ASCC2: variants seen among roughly 807,000 people sequenced by gnomAD.
ASCC2 encodes activating signal cointegrator 1 complex subunit 2.
In ASCC2, 42 loss-of-function variants were observed where a neutral mutation model predicts 93.5. The observed-to-expected ratio is 0.45, with a 90% confidence interval of 0.35 to 0.58. The LOEUF (loss-of-function observed/expected upper bound fraction) is 0.58. ASCC2 is among the 20% of genes least tolerant of loss of function. The pLI is 0.00. For synonymous variants in ASCC2, 364 were observed against 384.2 expected (o/e 0.95, Z 0.62); for missense variants, 859 against 977.6 (o/e 0.88, Z 1.62).
intron 5 of ASCC2, 147 bp downstream of exon 5, chr22:29,822,188 T>A: frequency 9.9e-7 from 1 of 1,005,462 alleles, no homozygotes; most frequent in Non-Finnish European, 1.5e-6. Context: ...GAGGTGACAC[T>A]CATATATCTG....
chr22:29,810,786 A>G (rs2060196004), intron 8 of ASCC2, among the ~76,000 whole-genome samples: 1 of 151,410 alleles, frequency 6.6e-6, no homozygotes, highest in South Asian at 2.1e-4. Context: ...GCTGGAGGGC[A>G]GTGGTGCAAT....
intron 18 of ASCC2, 145 bp downstream of exon 18, chr22:29,792,288 T>C: frequency 1.4e-6 from 2 of 1,433,118 alleles, no homozygotes; most frequent in South Asian, 2.7e-5. Context: ...CAAGCAGACA[T>C]CCTGGGCTCA....
chr22:29,812,543 C>T (rs530269549), intron 8 of ASCC2, among the ~76,000 whole-genome samples: 1 of 152,314 alleles, frequency 6.6e-6, no homozygotes, highest in East Asian at 1.9e-4. Flanking sequence ...AGCATAAAGG[C>T]CCTGCCAGCA....
chr22:29,804,163 C>T (rs1432441896), intron 13 of ASCC2, among the ~76,000 whole-genome samples: 1 of 152,196 alleles, frequency 6.6e-6, no homozygotes, highest in East Asian at 1.9e-4. Flanking sequence ...GCCACAGATT[C>T]GGCCAGTCCT....
intron 5 of ASCC2, chr22:29,822,061 G>T: frequency 2.4e-6 from 1 of 413,788 alleles, no homozygotes; most frequent in Non-Finnish European, 4.6e-6. Flanking sequence ...TGCCTCCCAG[G>T]TTCAAGTGAT....
rs1380261966 is a variant in ASCC2, at chr22:29,802,326, C to T, written c.1354-118G>A. 5 of 979,902 alleles carry T rather than the reference C, an allele frequency of 5.1e-6. No individual in the cohort carries two copies. The African/African-American group carries it at 8.2e-5, about 16-fold the overall frequency. The allele number at this position is 979,902 out of a possible 1,614,324, so 60.7% of individuals were successfully genotyped here. On this transcript the variant is annotated intron_variant, in intron 13 of 19. Coordinates refer to ENST00000307790, the MANE Select transcript of ASCC2 (RefSeq NM_032204.5). ...TCTGGTTCAAGTCCTGGGATTACCC[C>T]TCCTGCCTGTGGGAACTTTGTCAAG... is the stretch of plus-strand genomic sequence containing the variant.
At chr22:29,824,774 AGTACACAAG>A (rs775638323) in intron 4 of ASCC2, among the ~76,000 whole-genome samples, 1 of 151,980 alleles carries the variant, frequency 6.6e-6, no homozygotes, top group Non-Finnish European at 1.5e-5. Context: ...TTTTAAAAAG[AGTACACAAG>A]TTCCTTTAAG....
intron 2 of ASCC2, among the ~76,000 whole-genome samples, chr22:29,826,416 A>T (rs558977962): frequency 6.6e-6 from 1 of 152,162 alleles, no homozygotes; most frequent in Admixed American, 6.5e-5. Context: ...TCCTGGGCTT[A>T]GGTGATCCCC....
At chr22:29,834,310 AAT>A (rs2063510305) in intron 1 of ASCC2, 1 of 347,966 alleles carries the variant, frequency 2.9e-6, no homozygotes, top group African/African-American at 2.2e-5. Context: ...TAGTCTTGAT[AAT>A]AGAGACTGGC....
At chr22:29,828,274 A>T (rs1049450928) in intron 2 of ASCC2, among the ~76,000 whole-genome samples, 2 of 152,202 alleles carry the variant, frequency 1.3e-5, no homozygotes, top group Non-Finnish European at 2.9e-5. Context: ...TGGGAGACAG[A>T]TTTGGTGAAT....
chr22:29,800,662 T>C (rs2058977434), intron 15 of ASCC2, among the ~76,000 whole-genome samples: 1 of 152,234 alleles, frequency 6.6e-6, no homozygotes, highest in Non-Finnish European at 1.5e-5. Context: ...GAGTGGTTTC[T>C]GGGAAGCACT....
intron 8 of ASCC2, chr22:29,809,832 A>T (rs1269984763): frequency 6.6e-6 from 1 of 152,004 alleles, no homozygotes; most frequent in African/African-American, 2.4e-5. Context: ...ATTATTTTCA[A>T]ATAAATATAA....
chr22:29,838,013 C>T (rs1285144639), intron 1 of ASCC2, among the ~76,000 whole-genome samples, 165 bp downstream of exon 1: 1 of 152,260 alleles, frequency 6.6e-6, no homozygotes, highest in African/African-American at 2.4e-5. Context: ...GCTCCTGACC[C>T]TGGCGGCCAA....
intron 5 of ASCC2, among the ~76,000 whole-genome samples, chr22:29,820,112 T>C (rs1476697056): frequency 2.0e-5 from 3 of 152,038 alleles, no homozygotes; most frequent in Non-Finnish European, 4.4e-5. Flanking sequence ...TAATTAGATA[T>C]GAATGAGAAA....
At chr22:29,794,708 T>A (rs924728068) in intron 15 of ASCC2, among the ~76,000 whole-genome samples, 26 of 152,340 alleles carry the variant, frequency 1.7e-4, no homozygotes, top group Admixed American at 1.6e-3. Context: ...CTGTATTAGA[T>A]CGTTGTGTGG....
rs771133741 is a variant in ASCC2 at position 29,808,169 on chromosome 22, C to A, written c.850G>T (p.Glu284Ter). Residue 284 changes from glutamate (E) to a stop codon, truncating the protein, a stop_gained, in exon 9 of 20, where the codon GAA (glutamate) becomes TAA (stop). Coordinates refer to ENST00000307790, the MANE Select transcript of ASCC2 (RefSeq NM_032204.5). LOFTEE classifies it high-confidence loss of function. ...DFCYRLASFY[E>*]AAIPEMESAI... ...GACTCCATTTCGGGAATTGCTGCTTCGTAGAAGGAAGCTAGTCTGTGCAGG... is the reference window on the plus strand; with the variant it reads ...GACTCCATTTCGGGAATTGCTGCTTAGTAGAAGGAAGCTAGTCTGTGCAGG... 1 of 1,614,086 alleles carries A rather than the reference C, an allele frequency of 6.2e-7. No homozygotes were observed. Among genetic ancestry groups the A allele is most frequent in the African/African-American group, 1.3e-5 (1 of 74,940 alleles).
Position 29,825,836 on chromosome 22 carries a change from T to C in ASCC2, c.82-56A>G. ...GCAGAGGTTAGTCAGCGAGGGCCCA[T>C]TTGCCAACCCACAGCAATGACAACA... On this transcript the variant is annotated intron_variant, in intron 2 of 19. Coordinates refer to ENST00000307790, the MANE Select transcript of ASCC2 (RefSeq NM_032204.5). This position sits in a 1 kb window ranked among gnomAD's most constrained non-coding sequence, Gnocchi z 4.9. The C allele has an allele frequency of 6.4e-7, 1 of 1,552,830 alleles. No homozygotes were observed. The highest frequency in any genetic ancestry group is 8.7e-7 in the Non-Finnish European group (1 of 1,147,038).
intron 9 of ASCC2, 35 bp from the exon 10 acceptor site, chr22:29,806,939 G>C: frequency 6.4e-7 from 1 of 1,553,090 alleles, no homozygotes; most frequent in South Asian, 1.1e-5. Context: ...AGGTTTAGGA[G>C]ACAAAAAGGC....
At chr22:29,827,486 C>T in intron 2 of ASCC2, 1 of 436,062 alleles carries the variant, frequency 2.3e-6, no homozygotes, top group Non-Finnish European at 4.8e-6. Context: ...CGCGAGTTTC[C>T]AAACTGTAGA....
Sources: allele counts gnomAD v4.1 joint callset (sites outside exome capture counted in the v4.1 genomes callset), GRCh38; gene constraint gnomAD v4.1.1; non-coding constraint Gnocchi (gnomAD v3.1); transcripts MANE v1.5; gene names NCBI Gene and HGNC (gene_info 2026-07-23, HGNC 2026-07-21).